Variants in CEBPZ observed in about 807,000 individuals in gnomAD.
The protein encoded by CEBPZ is CCAAT/enhancer-binding protein zeta.
A neutral mutation model predicts 104.5 loss-of-function variants in CEBPZ; 78 were observed. The ratio of observed to expected loss-of-function variants is 0.75; its 90% CI spans 0.62 to 0.90. The LOEUF (loss-of-function observed/expected upper bound fraction) is 0.90, where lower values mean the gene tolerates loss of function less well. Among genes scored for constraint, CEBPZ ranks in the 40% least tolerant of loss-of-function variants. The pLI is 0.00. For missense variants in CEBPZ, 1,439 were observed against 1,233.5 expected (o/e 1.17, Z -2.50); for synonymous variants, 470 against 427.0 (o/e 1.10, Z -1.24).
rs759132394 is a variant in CEBPZ, at chr2:37,228,281, C to G, written c.912G>C (p.Leu304=). 2 of 1,614,192 alleles carry G rather than the reference C, an allele frequency of 1.2e-6. No individual in the cohort carries two copies. The highest frequency in any genetic ancestry group is 3.3e-5 in the Admixed American group (2 of 60,016). The part of the protein sequence containing the change: ...ITDLLPDNRK[L]RIFSQRPFDK... Reference sequence around the variant, plus strand: ...CAAAAGGACGCTGGCTGAAAATCCTCAGCTTCCGATTGTCTGGCAAAAGGT... The same window carrying G: ...CAAAAGGACGCTGGCTGAAAATCCTGAGCTTCCGATTGTCTGGCAAAAGGT... The change falls in exon 2 of 16, where the codon CTG becomes CTC. Residue 304 remains leucine, a synonymous_variant. Transcript: ENST00000234170.
In CEBPZ at chr2:37,227,913, A is replaced by G. The variant is rs1464663985; in HGVS notation, c.1280T>C (p.Leu427Pro). ...GGAGCTGATATTTGAGCGGAAGAGT[A>G]GCCTTTCTACTTCACCAGACACAAC... ...KGVVSGEVER[L>P]LFRSNISSKA... Residue 427 changes from leucine (L) to proline (P), a missense_variant, in exon 2 of 16, where the codon CTA becomes CCA. Coordinates refer to ENST00000234170, the MANE Select transcript of CEBPZ (RefSeq NM_005760.3). The G allele has an allele frequency of 1.2e-6, 2 of 1,614,114 alleles. No homozygotes were observed. The highest frequency in any genetic ancestry group is 2.7e-5 in the African/African-American group (2 of 74,952).
At chr2:37,213,026 GAC>G (rs781747865) in intron 10 of CEBPZ, among the ~76,000 whole-genome samples, 3 of 152,000 alleles carry the variant, frequency 2.0e-5, no homozygotes, top group Non-Finnish European at 4.4e-5. Context: ...CAGCCTGGGA[GAC>G]AGAGAGAGCC....
intron 13 of CEBPZ, among the ~76,000 whole-genome samples, chr2:37,207,772 A>C (rs1324626277): frequency 6.6e-6 from 1 of 152,202 alleles, no homozygotes; most frequent in Non-Finnish European, 1.5e-5. Flanking sequence ...ATCAAACTCA[A>C]ACCCAGCAGA....
Position 37,220,901 on chromosome 2 carries a change from G to A in CEBPZ, c.2066-428C>T, listed in dbSNP as rs146534920. Among the ~76,000 whole-genome samples, 287 of 152,298 alleles carry A rather than the reference G, an allele frequency of 1.9e-3. 1 individual carries two copies. Among genetic ancestry groups the A allele is most frequent in the Non-Finnish European group, 3.2e-3 (218 of 68,014 alleles). ...AGTCCCAGCTATTCGGGAGACTGAGGTGGGAGGATCACTTGAGCCCAGGAG... is the reference window on the plus strand; with the variant it reads ...AGTCCCAGCTATTCGGGAGACTGAGATGGGAGGATCACTTGAGCCCAGGAG... On this transcript the variant is annotated intron_variant, in intron 4 of 15. Coordinates refer to ENST00000234170, the MANE Select transcript of CEBPZ (RefSeq NM_005760.3).
At chr2:37,220,278 C>G in intron 5 of CEBPZ, 107 bp downstream of exon 5, 2 of 291,210 alleles carry the variant, frequency 6.9e-6, no homozygotes, top group Non-Finnish European at 1.2e-5. Context: ...AATCATGCCA[C>G]TGCACTCCAG....
At chr2:37,224,985 A>G (rs867922003) in intron 2 of CEBPZ, among the ~76,000 whole-genome samples, 16 of 152,336 alleles carry the variant, frequency 1.1e-4, no homozygotes, top group Middle Eastern at 3.4e-3. Context: ...CTTTCTAAAA[A>G]TCAAAAATTC....
intron 12 of CEBPZ, 137 bp downstream of exon 12, chr2:37,211,706 G>C (rs187691765): frequency 1.6e-6 from 1 of 617,178 alleles, no homozygotes; most frequent in Non-Finnish European, 2.7e-6. Context: ...GAAGGGAAAA[G>C]GTCCTTTTAA....
intron 2 of CEBPZ, among the ~76,000 whole-genome samples, chr2:37,226,376 CTAAG>C (rs1558477700): frequency 6.6e-6 from 1 of 152,198 alleles, no homozygotes; most frequent in Non-Finnish European, 1.5e-5. Context: ...TCACATAGCA[CTAAG>C]TGTTAGGCAC....
intron 4 of CEBPZ, 43 bp from the exon 5 acceptor site, chr2:37,220,516 C>T: frequency 9.2e-7 from 1 of 1,082,112 alleles, no homozygotes; most frequent in South Asian, 1.5e-5. Flanking sequence ...ATGCTTTCTT[C>T]CTAGCCCAAG....
At chr2:37,218,193 G>A (rs1664682607) in intron 5 of CEBPZ, among the ~76,000 whole-genome samples, 1 of 151,990 alleles carries the variant, frequency 6.6e-6, no homozygotes, top group South Asian at 2.1e-4. Context: ...TGTGAACCCG[G>A]GAGGCGGAGC....
intron 15 of CEBPZ, chr2:37,202,417 G>A (rs943920567): frequency 3.5e-5 from 6 of 170,644 alleles, no homozygotes; most frequent in Non-Finnish European, 6.3e-5. Flanking sequence ...GGCCGAGGCA[G>A]GCGGGTCACT....
intron 13 of CEBPZ, among the ~76,000 whole-genome samples, chr2:37,205,017 C>G (rs1009994628): frequency 1.3e-5 from 2 of 152,182 alleles, no homozygotes; most frequent in Non-Finnish European, 2.9e-5. Flanking sequence ...CTGCCTATAT[C>G]TCATCTTATG....
At chr2:37,210,829 GA>G in intron 13 of CEBPZ, 169 bp downstream of exon 13, 1 of 487,328 alleles carries the variant, frequency 2.1e-6, no homozygotes, top group South Asian at 3.6e-5. Flanking sequence ...CTGAATGCGA[GA>G]AACAATTCAA....
rs1185063032 is a variant in CEBPZ at position 37,228,080 on chromosome 2, C to T, written c.1113G>A (p.Glu371=). The T allele has an allele frequency of 1.9e-6, 3 of 1,614,220 alleles. No homozygotes were observed. The highest frequency in any genetic ancestry group is 2.5e-6 in the Non-Finnish European group (3 of 1,180,034). Reference sequence around the variant, plus strand: ...CTTCCTCAGGCTTGTTACAAAGCAGCTCATGAGCCACGGTAAGGGCTCGAG... The same window carrying T: ...CTTCCTCAGGCTTGTTACAAAGCAGTTCATGAGCCACGGTAAGGGCTCGAG... The part of the protein sequence containing the change: ...TKTRALTVAH[E]LLCNKPEEEK... Residue 371 remains glutamate (E), a synonymous_variant, in exon 2 of 16, where the codon GAG becomes GAA. Transcript: ENST00000234170.
intron 10 of CEBPZ, chr2:37,213,653 A>G: frequency 2.3e-6 from 1 of 432,200 alleles, no homozygotes; most frequent in Non-Finnish European, 4.1e-6. Context: ...ACCTCAAACA[A>G]TCTTCCTGCC....
At chr2:37,222,929 C>T (rs1664804214) in intron 3 of CEBPZ, among the ~76,000 whole-genome samples, 2 of 152,128 alleles carry the variant, frequency 1.3e-5, no homozygotes, top group Non-Finnish European at 2.9e-5. Flanking sequence ...TTATAGTCTT[C>T]CAAATCTCAT....
rs918104165 is a variant in CEBPZ at position 37,228,691 on chromosome 2, C to G, written c.502G>C (p.Glu168Gln). 4.3e-6 allele frequency: 7 copies of G among 1,613,996 alleles called. No individual in the cohort carries two copies. The highest frequency in any genetic ancestry group is 1.7e-5 in the Admixed American group (1 of 60,008). The change falls in exon 2 of 16, where the codon GAA becomes CAA. Residue 168 changes from glutamate (E) to glutamine (Q), a missense_variant. By Grantham distance (29) the Glu-to-Gln change is conservative. Transcript: ENST00000234170. ...KVKKDKQNIF[E>Q]FFERQTLLLR... ...AACAAAGTCTGTCTCTCAAAAAATT[C>G]AAAGATGTTCTGTTTATCTTTCTTT...
In CEBPZ at chr2:37,227,740, C is replaced by T. The variant is rs770307747; in HGVS notation, c.1453G>A (p.Ala485Thr). The stretch of plus-strand genomic sequence containing the variant: ...GCCCTATTCACACCTGTTAAAAGGG[C>T]GCTAAGCATTTTTGATTCAACATCT... ...KKDVESKMLS[A>T]LLTGVNRAYP... The change falls in exon 2 of 16, where the codon GCC becomes ACC. Residue 485 changes from alanine (A) to threonine (T), a missense_variant. Physicochemically the swap from Ala to Thr is moderately conservative, Grantham distance 58. Coordinates refer to ENST00000234170, the MANE Select transcript of CEBPZ (RefSeq NM_005760.3). 3.7e-6 allele frequency: 6 copies of T among 1,613,864 alleles called. No homozygotes were observed. Among genetic ancestry groups the T allele is most frequent in the Admixed American group, 1.7e-5 (1 of 59,966 alleles).
Position 37,228,783 on chromosome 2 carries a change from T to C in CEBPZ, c.410A>G (p.Asn137Ser). ...NTAESQRTSV[N>S]KVKNKNRPEP... is the part of the protein sequence containing the mutation. ...TGGCCTATTCTTATTTTTCACCTTA[T>C]TAACTGATGTCCTTTGACTTTCTGC... The change falls in exon 2 of 16, where the codon AAT (asparagine) becomes AGT (serine). Residue 137 changes from asparagine (N) to serine (S), a missense_variant. Coordinates refer to ENST00000234170, the MANE Select transcript of CEBPZ (RefSeq NM_005760.3). The C allele has an allele frequency of 6.2e-7, 1 of 1,613,422 alleles. No homozygotes were observed. The highest frequency in any genetic ancestry group is 8.5e-7 in the Non-Finnish European group (1 of 1,179,790).
Sources: allele counts gnomAD v4.1 joint callset (sites outside exome capture counted in the v4.1 genomes callset), GRCh38; gene constraint gnomAD v4.1.1; transcripts MANE v1.5; gene names NCBI Gene and HGNC (gene_info 2026-07-23, HGNC 2026-07-21).